EPB41L2: variants seen among roughly 807,000 people sequenced by gnomAD.
EPB41L2 encodes band 4.1-like protein 2.
EPB41L2 carries 43 observed loss-of-function variants against 113.0 expected under a neutral mutation model. The observed-to-expected ratio is 0.38, with a 90% CI of 0.30 to 0.49. EPB41L2 has a LOEUF of 0.49. Ranked by LOEUF, EPB41L2 falls within the 20% of genes least tolerant of loss-of-function variation. The probability of loss-of-function intolerance (pLI) is 0.95; values close to 1 mark genes in which losing one functional copy is unlikely to be tolerated. For missense variants in EPB41L2, 1,147 were observed against 1,223.4 expected (o/e 0.94, Z 0.93); for synonymous variants, 442 against 436.7 (o/e 1.01, Z -0.15).
chr6:130,939,025 T>C (rs939559741), intron 3 of EPB41L2, among the ~76,000 whole-genome samples: 9 of 151,294 alleles, frequency 5.9e-5, no homozygotes, highest in Non-Finnish European at 1.3e-4. Context: ...CACCAAGAAA[T>C]AGAAAAGTAA....
At chr6:130,849,350 T>C (rs781090224) in intron 19 of EPB41L2, among the ~76,000 whole-genome samples, 6 of 152,242 alleles carry the variant, frequency 3.9e-5, no homozygotes, top group Non-Finnish European at 7.3e-5. Flanking sequence ...ACTGTGGATA[T>C]GGCCTGCTTG....
chr6:130,894,544 T>C (rs373830333), intron 9 of EPB41L2, 103 bp from the exon 10 acceptor site: 1 of 1,038,704 alleles, frequency 9.6e-7, no homozygotes, highest in Non-Finnish European at 1.5e-6. Context: ...CAATTATTCT[T>C]CTCAAAAAAG....
intron 1 of EPB41L2, among the ~76,000 whole-genome samples, chr6:131,026,218 CA>C (rs1379582033): frequency 6.6e-6 from 1 of 152,172 alleles, no homozygotes; most frequent in Non-Finnish European, 1.5e-5. Context: ...CAGGAACAAA[CA>C]GATAACAGAT....
intron 13 of EPB41L2, among the ~76,000 whole-genome samples, chr6:130,879,571 G>C (rs1247089319): frequency 1.3e-5 from 2 of 152,066 alleles, no homozygotes; most frequent in African/African-American, 4.8e-5. Context: ...TTGGGTGATT[G>C]GGCTTTCTTT....
At chr6:130,994,819 C>T (rs1782687008) in intron 1 of EPB41L2, among the ~76,000 whole-genome samples, 1 of 151,594 alleles carries the variant, frequency 6.6e-6, no homozygotes, top group Non-Finnish European at 1.5e-5. Flanking sequence ...AAAGTCACGC[C>T]TCTGCTCACT....
At chr6:131,024,002 GA>G (rs1168284420) in intron 1 of EPB41L2, among the ~76,000 whole-genome samples, 1 of 152,012 alleles carries the variant, frequency 6.6e-6, no homozygotes, top group African/African-American at 2.4e-5. Context: ...GAAAAAAAAG[GA>G]GGAAAGTGGA....
At chr6:131,047,057 G>A (rs1424018162) in intron 1 of EPB41L2, among the ~76,000 whole-genome samples, 1 of 152,162 alleles carries the variant, frequency 6.6e-6, no homozygotes, top group African/African-American at 2.4e-5. Flanking sequence ...TTAATTGGCT[G>A]AGTGACCCTG....
chr6:130,930,656 G>T (rs915581590), intron 3 of EPB41L2, among the ~76,000 whole-genome samples: 3 of 152,080 alleles, frequency 2.0e-5, no homozygotes, highest in Admixed American at 6.6e-5. Context: ...ATGCCCAGCT[G>T]CCTGGGAGAA....
chr6:130,899,429 G>A, intron 8 of EPB41L2, 62 bp downstream of exon 8: 1 of 1,322,032 alleles, frequency 7.6e-7, no homozygotes, highest in Non-Finnish European at 1.1e-6. Flanking sequence ...TGAAACTGGA[G>A]CCCTCTCAAA....
At chr6:130,868,971 A>C (rs1190897729) in intron 15 of EPB41L2, 1 of 152,716 alleles carries the variant, frequency 6.5e-6, no homozygotes, top group Non-Finnish European at 1.5e-5. Flanking sequence ...AAAACCATAC[A>C]ACCCCTGCAA....
In EPB41L2 at chr6:130,925,190, C is replaced by CTTTTT. The variant is rs398048854; in HGVS notation, c.810+1410_810+1414dup. ...ATTTCAAAAATATCAGATTTCTTTT[C>CTTTTT]TTTTTTTTTTTTTTTTGAGACAGAG... On this transcript the variant is annotated intron_variant, in intron 4 of 19. Transcript: ENST00000337057. 3.8e-3 allele frequency among the ~76,000 whole-genome samples: 500 copies of CTTTTT among 130,402 alleles called. 22 individuals carry two copies. Among genetic ancestry groups the CTTTTT allele is most frequent in the African/African-American group, 0.011 (380 of 33,346 alleles). The allele number at this position is 130,402 out of a possible 152,430, so 85.5% of individuals were successfully genotyped here.
rs1234989190 is a variant in EPB41L2 at position 130,839,909 on chromosome 6, C to T, written c.*695G>A. 1.3e-5 allele frequency: 2 copies of T among 152,196 alleles called. No homozygotes were observed. The highest frequency in any genetic ancestry group is 4.8e-5 in the African/African-American group (2 of 41,442). The allele number at this position is 152,196 out of a possible 1,614,324, so 9.4% of individuals were successfully genotyped here. A position where few individuals can be genotyped will look rare whatever the true frequency, so the allele number is the denominator to read the frequency against. ...AGGGTCTCTAAGCACAGTGCACAGT[C>T]AGTGAACTTCTTCATTATTCTCCAG... On this transcript the variant is annotated 3_prime_UTR_variant, in exon 20 of 20. Transcript: ENST00000337057.
intron 1 of EPB41L2, among the ~76,000 whole-genome samples, chr6:130,995,331 T>G (rs79054000): frequency 0.011 from 1,717 of 151,468 alleles, 40 homozygotes; most frequent in African/African-American, 0.037. Flanking sequence ...CGAGACTCCG[T>G]CTCAAAAAAA....
At chr6:130,876,552 A>G in intron 14 of EPB41L2, 1 of 452,586 alleles carries the variant, frequency 2.2e-6, no homozygotes, top group Non-Finnish European at 3.6e-6. Context: ...TTAAATGCTC[A>G]AAAATCATTT....
chr6:130,944,674 T>G (rs1326140952), intron 3 of EPB41L2, among the ~76,000 whole-genome samples: 1 of 152,068 alleles, frequency 6.6e-6, no homozygotes, highest in Non-Finnish European at 1.5e-5. Flanking sequence ...GTGGAGTTGG[T>G]AGGGTCAGAA....
At chr6:130,895,257 A>C in intron 8 of EPB41L2, 138 bp from the exon 9 acceptor site, 1 of 934,346 alleles carries the variant, frequency 1.1e-6, no homozygotes. Flanking sequence ...ACAAGTACGC[A>C]CGTTAATGAA....
At chr6:130,851,625 TTAATA>T (rs1450348216) in intron 19 of EPB41L2, among the ~76,000 whole-genome samples, 1 of 152,200 alleles carries the variant, frequency 6.6e-6, no homozygotes, top group Non-Finnish European at 1.5e-5. Flanking sequence ...GGTTTTCAAC[TTAATA>T]TGTTTTCATG....
In EPB41L2 at chr6:130,956,407, G is replaced by A. The variant is rs368404556; in HGVS notation, c.79C>T (p.Pro27Ser). ...TGCTGATTTTCTGCTACTTCTTTAG[G>A]TTTTTCCTTGGTTGCATCTGTTCCT... is the stretch of plus-strand genomic sequence containing the variant. Reference protein sequence around the residue: ...QLGTDATKEKPKEVAENQQNQ... With the variant: ...QLGTDATKEKSKEVAENQQNQ... The change falls in exon 2 of 20, where the codon CCT (proline) becomes TCT (serine). Residue 27 changes from proline (P) to serine (S), a missense_variant. Coordinates refer to ENST00000337057, the MANE Select transcript of EPB41L2 (RefSeq NM_001431.4). 6.2e-7 allele frequency: 1 copy of A among 1,613,854 alleles called. No homozygotes were observed. The highest frequency in any genetic ancestry group is 8.5e-7 in the Non-Finnish European group (1 of 1,179,980).
At chr6:131,007,894 A>T (rs1785965149) in intron 1 of EPB41L2, among the ~76,000 whole-genome samples, 1 of 152,222 alleles carries the variant, frequency 6.6e-6, no homozygotes. Flanking sequence ...GTTCACAAAG[A>T]GGTGGTTTAA....
Sources: gnomAD v4.1 joint callset for allele counts (sites outside exome capture counted in the v4.1 genomes callset) on GRCh38, gnomAD v4.1.1 for gene constraint, MANE v1.5 for transcripts, NCBI Gene and HGNC (gene_info 2026-07-23, HGNC 2026-07-21) for gene names.